Variants in FBXL2 observed in about 807,000 individuals in gnomAD.
FBXL2 encodes the protein F-box and leucine rich repeat protein 2.
Under a neutral mutation model 69.2 loss-of-function variants are expected in FBXL2, and 38 were observed. The observed-to-expected ratio is 0.55, with a 90% CI of 0.42 to 0.72. FBXL2 has a LOEUF of 0.72. Ranked by LOEUF, FBXL2 falls within the 30% of genes least tolerant of loss-of-function variation. The pLI, the probability that FBXL2 is intolerant of heterozygous loss-of-function variation, is 0.00. For synonymous variants in FBXL2, 192 were observed against 201.3 expected, an observed-to-expected ratio of 0.95 and a Z score of 0.39; for missense variants, 354 against 520.3, an observed-to-expected ratio of 0.68 and a Z score of 3.11.
chr3:33,328,452 A>G (rs904605104), intron 2 of FBXL2, among the ~76,000 whole-genome samples: 1 of 152,196 alleles, frequency 6.6e-6, no homozygotes, highest in African/African-American at 2.4e-5. Context: ...AAAATGTACT[A>G]CAGAGCTATA....
chr3:33,397,926 T>C (rs1437855009), intron 12 of FBXL2: 2 of 152,140 alleles, frequency 1.3e-5, no homozygotes. Context: ...CCTGAGTACA[T>C]ACACACCATG....
In FBXL2 at chr3:33,342,004, C is replaced by CTT. The variant is rs538123970; in HGVS notation, c.66-16946_66-16945dup. Among the ~76,000 whole-genome samples, 93 of 109,766 alleles carry CTT rather than the reference C, an allele frequency of 8.5e-4. 2 individuals are homozygous for CTT. Among genetic ancestry groups the CTT allele is most frequent in the African/African-American group, 2.5e-3 (70 of 28,356 alleles). The allele number at this position is 109,766 out of a possible 152,430, so 72.0% of individuals were successfully genotyped here. A position where few individuals can be genotyped will look rare whatever the true frequency, so the allele number is the denominator to read the frequency against. On this transcript the variant is annotated intron_variant, in intron 2 of 14. Coordinates refer to ENST00000484457, the MANE Select transcript of FBXL2 (RefSeq NM_012157.5). ...TGCAGTTTTCCTTTCTTTTCTTTAT[C>CTT]TTTTTTTTTTTTTTTTTTGAGACGG... is the stretch of plus-strand genomic sequence containing the variant.
chr3:33,390,331 T>C (rs142730104), downstream of FBXL2: 2 of 1,613,976 alleles, frequency 1.2e-6, no homozygotes, highest in African/African-American at 2.7e-5. Flanking sequence ...ATATAAGACA[T>C]CACTTCAAAA....
At chr3:33,412,398 T>C in the FBXL2 span, among the ~76,000 whole-genome samples, 1 of 151,678 alleles carries the variant, frequency 6.6e-6, no homozygotes, top group Non-Finnish European at 1.5e-5. Flanking sequence ...TGTGTGCGTA[T>C]GTATATATAG....
chr3:33,418,630 G>A, the FBXL2 span, among the ~76,000 whole-genome samples: 5 of 151,704 alleles, frequency 3.3e-5, no homozygotes, highest in African/African-American at 7.2e-5. Flanking sequence ...AGCCCGAGGC[G>A]GGCAGATCAC....
chr3:33,333,285 C>G (rs1431884176), intron 2 of FBXL2, among the ~76,000 whole-genome samples: 3 of 151,864 alleles, frequency 2.0e-5, no homozygotes, highest in African/African-American at 7.3e-5. Flanking sequence ...ATAACTATGT[C>G]GAGGATTTGA....
intron 2 of FBXL2, chr3:33,303,141 A>G (rs1175539024): frequency 4.4e-6 from 2 of 456,490 alleles, no homozygotes; most frequent in African/African-American, 2.0e-5. Context: ...GCTGCCTTAT[A>G]TACCAGGGCA....
At chr3:33,330,876 G>A (rs2039093672) in intron 2 of FBXL2, among the ~76,000 whole-genome samples, 1 of 151,266 alleles carries the variant, frequency 6.6e-6, no homozygotes, top group African/African-American at 2.4e-5. Context: ...GCAACAGAAC[G>A]AGACTCTGTC....
Position 33,385,859 on chromosome 3 carries a change from GC to G in FBXL2, c.*253del, listed in dbSNP as rs1279141584. The G allele has an allele frequency of 1.2e-5, 6 of 506,262 alleles. No individual in the cohort carries two copies. Among genetic ancestry groups the G allele is most frequent in the Non-Finnish European group, 2.1e-5 (6 of 281,448 alleles). 31.4% of individuals were successfully genotyped at this position (506,262 alleles called of 1,614,324 possible). On this transcript the variant is annotated 3_prime_UTR_variant, in exon 15 of 15. Coordinates refer to ENST00000484457, the MANE Select transcript of FBXL2 (RefSeq NM_012157.5). ...GTGGTCTCAATGCAGCTAGGACCAT[GC>G]CAGAAACCTGGATCTCTTAAGAGAT...
At chr3:33,346,814 CTG>C (rs59440712) in intron 2 of FBXL2, among the ~76,000 whole-genome samples, 39,001 of 151,512 alleles carry the variant, frequency 0.26, 5,867 homozygotes, top group East Asian at 0.46. Flanking sequence ...ATCAACAACT[CTG>C]TGTTCAGATT....
chr3:33,366,948 A>T (rs571803697), intron 5 of FBXL2, among the ~76,000 whole-genome samples: 18 of 152,320 alleles, frequency 1.2e-4, no homozygotes, highest in African/African-American at 4.3e-4. Flanking sequence ...AAAAATAAAT[A>T]AATTAAATAA....
Position 33,383,995 on chromosome 3 carries a change from T to TC in FBXL2, c.961dup (p.His321ProfsTer3). The TC allele has an allele frequency of 6.2e-7, 1 of 1,613,944 alleles. No individual in the cohort carries two copies. The highest frequency in any genetic ancestry group is 8.5e-7 in the Non-Finnish European group (1 of 1,179,858). Reference sequence around the variant, plus strand: ...TCATGTCTTCCTGTTCCAGAGCCTGTCCCACTGTGAACTCATCACAGATGA... The same window carrying TC: ...TCATGTCTTCCTGTTCCAGAGCCTGTCCCCACTGTGAACTCATCACAGATGA... On this transcript the variant is annotated frameshift_variant, in exon 14 of 15. Transcript: ENST00000484457. LOFTEE classifies it high-confidence loss of function.
the FBXL2 span, among the ~76,000 whole-genome samples, chr3:33,420,529 A>G: frequency 1.5e-5 from 2 of 132,790 alleles, no homozygotes; most frequent in African/African-American, 5.9e-5. Flanking sequence ...TCACACTGCC[A>G]TCAGGCTGGA....
intron 13 of FBXL2, chr3:33,383,519 G>C (rs2043198682): frequency 5.2e-6 from 1 of 193,628 alleles, no homozygotes; most frequent in Non-Finnish European, 1.1e-5. Context: ...TATATCTCTG[G>C]GTCTCAGCTA....
At chr3:33,326,184 C>A (rs1204168172) in intron 2 of FBXL2, among the ~76,000 whole-genome samples, 1 of 152,138 alleles carries the variant, frequency 6.6e-6, no homozygotes, top group African/African-American at 2.4e-5. Context: ...TAGTTGAATT[C>A]TTTGAAGCTG....
At chr3:33,298,799 T>C (rs2035988130) in intron 2 of FBXL2, among the ~76,000 whole-genome samples, 1 of 151,698 alleles carries the variant, frequency 6.6e-6, no homozygotes, top group African/African-American at 2.4e-5. Context: ...TCCTTGATAG[T>C]CATTCCCCTA....
In FBXL2 at chr3:33,359,186, A is replaced by G. The variant is rs916278053; in HGVS notation, c.121-97A>G. The G allele has an allele frequency of 1.1e-5, 12 of 1,093,788 alleles. No individual in the cohort carries two copies. In the South Asian group the frequency reaches 2.0e-4, roughly 18 times the overall value. 67.8% of individuals were successfully genotyped at this position (1,093,788 alleles called of 1,614,324 possible). On this transcript the variant is annotated intron_variant, in intron 3 of 14. Coordinates refer to ENST00000484457, the MANE Select transcript of FBXL2 (RefSeq NM_012157.5). ...TAACTTAATATACATCAAAAATAGG[A>G]GTTTGGAAATAAAGGTTAATCAAGA...
At chr3:33,378,028 G>A in intron 11 of FBXL2, 75 bp from the exon 12 acceptor site, 1 of 1,417,828 alleles carries the variant, frequency 7.1e-7, no homozygotes, top group Middle Eastern at 1.8e-4. Context: ...CCAATACTCA[G>A]AGGGATAGGG....
chr3:33,286,916 A>G (rs1029641641), intron 1 of FBXL2, among the ~76,000 whole-genome samples: 1 of 152,078 alleles, frequency 6.6e-6, no homozygotes, highest in African/African-American at 2.4e-5. Flanking sequence ...GAGTGTCCCG[A>G]TTTTCCAGGT....
Sources: allele counts gnomAD v4.1 joint callset (sites outside exome capture counted in the v4.1 genomes callset), GRCh38; gene constraint gnomAD v4.1.1; transcripts MANE v1.5; gene names NCBI Gene and HGNC (gene_info 2026-07-23, HGNC 2026-07-21).